Variants in IL33 observed in about 807,000 individuals in gnomAD.
IL33 encodes the protein interleukin 33.
Under a neutral mutation model 27.3 loss-of-function variants are expected in IL33, and 37 were observed. The ratio of observed to expected loss-of-function variants is 1.36; its 90% CI spans 1.04 to 1.78. The LOEUF (loss-of-function observed/expected upper bound fraction) is 1.78. IL33 is among the 40% of genes most tolerant of loss of function. IL33 has a pLI of 0.00. For missense variants in IL33, 406 were observed against 311.4 expected (o/e 1.30, Z -2.29); for synonymous variants, 132 against 102.9 (o/e 1.28, Z -1.71).
chr9:6,220,140 CT>C (rs931619001), intron 1 of IL33, among the ~76,000 whole-genome samples: 2 of 151,976 alleles, frequency 1.3e-5, no homozygotes, highest in Admixed American at 1.3e-4. Flanking sequence ...TCTTCTGTAA[CT>C]TTTTTTTGCC....
chr9:6,238,128 T>C (rs1258599830), intron 1 of IL33, among the ~76,000 whole-genome samples: 1 of 152,134 alleles, frequency 6.6e-6, no homozygotes, highest in Non-Finnish European at 1.5e-5. Flanking sequence ...GGAGAAAGAA[T>C]GGAGGGAGAC....
intron 1 of IL33, among the ~76,000 whole-genome samples, chr9:6,231,318 A>C (rs12551268): frequency 0.73 from 110,788 of 152,068 alleles, 40,804 homozygotes; most frequent in East Asian, 1. Flanking sequence ...CCTTCTCTCT[A>C]CAGCCCCTTC....
intron 4 of IL33, 66 bp from the exon 5 acceptor site, chr9:6,252,800 G>GTTTTTT: frequency 1.3e-6 from 2 of 1,578,066 alleles, no homozygotes. Flanking sequence ...GTTTTTTGAG[G>GTTTTTT]GAGCATTTTT....
rs1187980598 is a variant in IL33, at chr9:6,256,663, G to C, written c.*495G>C. On this transcript the variant is annotated 3_prime_UTR_variant, in exon 8 of 8. Coordinates refer to ENST00000682010, the MANE Select transcript of IL33 (RefSeq NM_033439.4). ...CACAGAATTATCATTTTTTCAACTG[G>C]AATAAAACACCAGGTTTGTTTGTAG... 2.2e-5 allele frequency: 5 copies of C among 230,346 alleles called. No homozygotes were observed. Among genetic ancestry groups the C allele is most frequent in the Non-Finnish European group, 2.5e-5 (3 of 120,632 alleles). 14.3% of individuals were successfully genotyped at this position (230,346 alleles called of 1,614,324 possible). A position where few individuals can be genotyped will look rare whatever the true frequency, so the allele number is the denominator to read the frequency against.
chr9:6,235,744 T>C (rs1819164530), intron 1 of IL33, among the ~76,000 whole-genome samples: 1 of 152,142 alleles, frequency 6.6e-6, no homozygotes, highest in Non-Finnish European at 1.5e-5. Flanking sequence ...AATTCAAAAC[T>C]ATCAGATAGT....
rs1462000426 is a variant in IL33 at position 6,257,246 on chromosome 9, T to C, written c.*1078T>C. Reference sequence around the variant, plus strand: ...AGTTGCTTCTAATCCTTATTTCCCATGTGCACAAGTCTTTTTGTATTCCAG... The same window carrying C: ...AGTTGCTTCTAATCCTTATTTCCCACGTGCACAAGTCTTTTTGTATTCCAG... On this transcript the variant is annotated 3_prime_UTR_variant, in exon 8 of 8. Coordinates refer to ENST00000682010, the MANE Select transcript of IL33 (RefSeq NM_033439.4). 3.3e-5 allele frequency: 5 copies of C among 152,186 alleles called. No individual in the cohort carries two copies. The highest frequency in any genetic ancestry group is 3.3e-4 in the Admixed American group (5 of 15,274). 9.4% of individuals were successfully genotyped at this position (152,186 alleles called of 1,614,324 possible).
At chr9:6,251,959 G>C (rs1816387126) in intron 4 of IL33, among the ~76,000 whole-genome samples, 1 of 151,018 alleles carries the variant, frequency 6.6e-6, no homozygotes, top group Non-Finnish European at 1.5e-5. Context: ...AGAATTGCTT[G>C]AACCTTGACA....
chr9:6,253,846 G>T (rs146989560), intron 6 of IL33, among the ~76,000 whole-genome samples: 2 of 152,288 alleles, frequency 1.3e-5, no homozygotes. Context: ...GTTTATGCTA[G>T]ATAAAACTTT....
rs1440373907 is a variant in IL33, at chr9:6,252,905, C to A, written c.383C>A (p.Thr128Lys). 1.2e-6 allele frequency: 2 copies of A among 1,606,960 alleles called. No homozygotes were observed. Among genetic ancestry groups the A allele is most frequent in the Non-Finnish European group, 1.7e-6 (2 of 1,174,954 alleles). Residue 128 changes from threonine to lysine, a missense_variant, in exon 5 of 8, where the codon ACA becomes AAA. Transcript: ENST00000682010. ...PITEYLASLSTYNDQSITFAL... is the reference protein window; with the variant it reads ...PITEYLASLSKYNDQSITFAL... ...ACAGAGTATCTTGCTTCTCTAAGCA[C>A]ATACAATGATCAATCCATTACTTTT...
Position 6,251,244 on chromosome 9 carries a change from C to G in IL33, c.322C>G (p.Leu108Val). Residue 108 changes from leucine to valine, a missense_variant, in exon 4 of 8, where the codon CTT becomes GTT. Transcript: ENST00000682010. ...ISGVQKYTRA[L>V]HDSSITGISP... ...AGGGGTCCAGAAATATACTAGAGCA[C>G]TTCATGATTCAAGTATCACAGGTAT... 1 of 1,613,678 alleles carries G rather than the reference C, an allele frequency of 6.2e-7. No individual in the cohort carries two copies. Among genetic ancestry groups the G allele is most frequent in the South Asian group, 1.1e-5 (1 of 91,054 alleles).
intron 1 of IL33, among the ~76,000 whole-genome samples, chr9:6,225,630 A>G (rs1050782322): frequency 7.2e-5 from 11 of 152,216 alleles, no homozygotes; most frequent in African/African-American, 2.7e-4. Context: ...GGGCTACTCT[A>G]AGACTGTAAA....
At position 6,254,458 on chromosome 9, in the gene IL33, T is replaced by A; in HGVS notation, c.521-4T>A. On this transcript the variant is annotated splice_region_variant and splice_polypyrimidine_tract_variant and intron_variant, in intron 6 of 7. Coordinates refer to ENST00000682010, the MANE Select transcript of IL33 (RefSeq NM_033439.4). Reference sequence around the variant, plus strand: ...TTTATCATTTATACTTTCTTAATTGTAAGGTGACGGTGTTGATGGTAAGAT... The same window carrying A: ...TTTATCATTTATACTTTCTTAATTGAAAGGTGACGGTGTTGATGGTAAGAT... The A allele has an allele frequency of 6.4e-7, 1 of 1,555,058 alleles. No individual in the cohort carries two copies. The highest frequency in any genetic ancestry group is 1.2e-5 in the South Asian group (1 of 81,484).
chr9:6,251,409 A>G, intron 4 of IL33, 144 bp downstream of exon 4: 1 of 1,156,210 alleles, frequency 8.6e-7, no homozygotes, highest in Non-Finnish European at 1.2e-6. Flanking sequence ...TGATGTACCC[A>G]TCTAATAGTA....
intron 1 of IL33, among the ~76,000 whole-genome samples, chr9:6,240,314 G>T (rs542678005): frequency 1.3e-5 from 2 of 152,258 alleles, no homozygotes; most frequent in African/African-American, 4.8e-5. Context: ...GTCCAGAAAG[G>T]TGGGATAACT....
At chr9:6,244,432 C>T (rs1819707071) in intron 2 of IL33, among the ~76,000 whole-genome samples, 1 of 152,014 alleles carries the variant, frequency 6.6e-6, no homozygotes. Context: ...TATGTTTTTT[C>T]CTACAGATAC....
intron 1 of IL33, among the ~76,000 whole-genome samples, chr9:6,237,345 T>A (rs1034753500): frequency 3.9e-5 from 6 of 152,200 alleles, no homozygotes; most frequent in African/African-American, 1.4e-4. Context: ...TTGAAGAAAA[T>A]ACTTTTTCAG....
chr9:6,226,217 T>C (rs1818621835), intron 1 of IL33, among the ~76,000 whole-genome samples: 1 of 152,040 alleles, frequency 6.6e-6, no homozygotes, highest in South Asian at 2.1e-4. Flanking sequence ...CCTCGCTATG[T>C]TGCCCAGGCT....
chr9:6,229,289 T>C (rs1045750270), intron 1 of IL33, among the ~76,000 whole-genome samples: 5 of 152,186 alleles, frequency 3.3e-5, no homozygotes, highest in Non-Finnish European at 5.9e-5. Flanking sequence ...CTACCTTTGC[T>C]TCTTCAAAGA....
intron 1 of IL33, among the ~76,000 whole-genome samples, chr9:6,216,297 AT>A (rs1273812688): frequency 2.0e-5 from 3 of 152,086 alleles, no homozygotes; most frequent in Non-Finnish European, 4.4e-5. Flanking sequence ...TGCCTGGGTA[AT>A]TTTTTTAGTT....
Sources: gnomAD v4.1 joint callset for allele counts (sites outside exome capture counted in the v4.1 genomes callset) on GRCh38, gnomAD v4.1.1 for gene constraint, MANE v1.5 for transcripts, NCBI Gene and HGNC (gene_info 2026-07-23, HGNC 2026-07-21) for gene names.